MTX2: variants seen among roughly 807,000 people sequenced by gnomAD.
MTX2 encodes the protein metaxin 2.
In MTX2, 35 loss-of-function variants were observed where a neutral mutation model predicts 42.3. The observed-to-expected ratio is 0.83, with a 90% CI of 0.63 to 1.10. The LOEUF (loss-of-function observed/expected upper bound fraction) is 1.10, where lower values mean the gene tolerates loss of function less well. MTX2 is among the 50% of genes least tolerant of loss of function. The probability of loss-of-function intolerance (pLI) is 0.00; values close to 1 mark genes in which losing one functional copy is unlikely to be tolerated. For missense variants in MTX2, 307 were observed against 304.1 expected (o/e 1.01, Z -0.07); for synonymous variants, 119 against 100.9 (o/e 1.18, Z -1.08).
intron 3 of MTX2, among the ~76,000 whole-genome samples, chr2:176,319,875 A>G (rs753296076): frequency 1.2e-4 from 18 of 151,988 alleles, no homozygotes; most frequent in Non-Finnish European, 1.5e-4. Context: ...ATTTTTAAAA[A>G]TTTTTGTAGA....
intron 3 of MTX2, among the ~76,000 whole-genome samples, chr2:176,312,127 A>AT (rs1267171510): frequency 2.0e-5 from 3 of 152,196 alleles, no homozygotes; most frequent in Non-Finnish European, 4.4e-5. Flanking sequence ...GTAACTATTG[A>AT]TTTTTTAAAA....
chr2:176,292,752 G>T lies in MTX2; in HGVS notation c.41-4108G>T, dbSNP rs950839020. ...GAGATTTTTTTTCTTTCATGTCATG[G>T]TTTACATGTAATTTACATACAATTT... On this transcript the variant is annotated intron_variant, in intron 1 of 9. Transcript: ENST00000249442. 3.3e-5 allele frequency among the ~76,000 whole-genome samples: 5 copies of T among 152,048 alleles called. No individual in the cohort carries two copies. The South Asian group carries it at 8.3e-4, about 25-fold the overall frequency.
chr2:176,283,033 A>G (rs182458537), intron 1 of MTX2, among the ~76,000 whole-genome samples: 8 of 152,286 alleles, frequency 5.3e-5, no homozygotes, highest in African/African-American at 1.7e-4. Context: ...TAACCCAACA[A>G]GATAATTAAT....
chr2:176,281,992 C>T (rs1693087475), intron 1 of MTX2, among the ~76,000 whole-genome samples: 1 of 152,082 alleles, frequency 6.6e-6, no homozygotes, highest in South Asian at 2.1e-4. Flanking sequence ...GTCTGTGTGT[C>T]TTTGATTAGG....
At chr2:176,328,990 C>A in intron 7 of MTX2, 78 bp downstream of exon 7, 1 of 1,284,252 alleles carries the variant, frequency 7.8e-7, no homozygotes, top group South Asian at 1.2e-5. Flanking sequence ...AGTCCCTGCT[C>A]ATAAATGAAA....
rs370986623 is a variant in MTX2 at position 176,329,429 on chromosome 2, C to G, written c.543+3C>G. The stretch of plus-strand genomic sequence containing the variant: ...GGGGAAAGAAGACTCTGGACCAGGT[C>G]AGTTCAGGTTGAAGTTGACAAAACC... On this transcript the variant is annotated splice_donor_region_variant and intron_variant, in intron 8 of 9. Transcript: ENST00000249442. 7.5e-6 allele frequency: 12 copies of G among 1,603,440 alleles called. No homozygotes were observed. The highest frequency in any genetic ancestry group is 9.4e-6 in the Non-Finnish European group (11 of 1,173,394).
At chr2:176,330,291 G>T (rs141411563) in intron 8 of MTX2, among the ~76,000 whole-genome samples, 36 of 150,056 alleles carry the variant, frequency 2.4e-4, no homozygotes, top group Non-Finnish European at 2.4e-4. Flanking sequence ...TATTTTGAAG[G>T]ACATTCACTG....
intron 6 of MTX2, 112 bp from the exon 7 acceptor site, chr2:176,328,762 A>C: frequency 1.0e-6 from 1 of 954,922 alleles, no homozygotes; most frequent in South Asian, 1.5e-5. Flanking sequence ...AAACCGCTAC[A>C]TGTGTGACTT....
Position 176,296,891 on chromosome 2 carries a change from A to T in MTX2, c.72A>T (p.Leu24Phe). ...AACCTTGGCCTGAAAATGCTACATTATATCAGCAATTGAAAGGTAAGTCTT... is the reference window on the plus strand; with the variant it reads ...AACCTTGGCCTGAAAATGCTACATTTTATCAGCAATTGAAAGGTAAGTCTT... ...AAEPWPENAT[L>F]YQQLKGEQIL... The change falls in exon 2 of 10, where the codon TTA (leucine) becomes TTT (phenylalanine). Residue 24 changes from leucine (L) to phenylalanine (F), a missense_variant. Leu to Phe is a conservative substitution (Grantham distance 22). Coordinates refer to ENST00000249442, the MANE Select transcript of MTX2 (RefSeq NM_006554.5). 6.2e-7 allele frequency: 1 copy of T among 1,613,452 alleles called. No individual in the cohort carries two copies. The highest frequency in any genetic ancestry group is 8.5e-7 in the Non-Finnish European group (1 of 1,179,552).
intron 3 of MTX2, among the ~76,000 whole-genome samples, chr2:176,322,696 A>G (rs564795341): frequency 1.3e-5 from 2 of 152,094 alleles, no homozygotes; most frequent in African/African-American, 4.8e-5. Context: ...ACTTAATATT[A>G]TAATGTGTAC....
chr2:176,329,160 T>C, intron 7 of MTX2, 141 bp from the exon 8 acceptor site: 2 of 1,084,882 alleles, frequency 1.8e-6, no homozygotes, highest in Non-Finnish European at 2.5e-6. Context: ...AATTTTAATT[T>C]TTTAGATTGC....
intron 8 of MTX2, 26 bp from the exon 9 acceptor site, chr2:176,330,558 T>C: frequency 6.7e-7 from 1 of 1,500,498 alleles, no homozygotes; most frequent in Admixed American, 2.0e-5. Context: ...GAAATACTTT[T>C]CCTTGGGGTT....
intron 1 of MTX2, among the ~76,000 whole-genome samples, chr2:176,282,675 T>C (rs1693108512): frequency 6.6e-6 from 1 of 152,068 alleles, no homozygotes; most frequent in Non-Finnish European, 1.5e-5. Context: ...CTAGAGACTT[T>C]ATAGGGTACT....
intron 1 of MTX2, among the ~76,000 whole-genome samples, chr2:176,283,590 G>GT (rs1170666460): frequency 6.6e-6 from 1 of 152,144 alleles, no homozygotes; most frequent in Non-Finnish European, 1.5e-5. Flanking sequence ...GAGGAATAGA[G>GT]TTTTTTGGTT....
At chr2:176,320,899 G>C (rs1203345561) in intron 3 of MTX2, among the ~76,000 whole-genome samples, 1 of 151,894 alleles carries the variant, frequency 6.6e-6, no homozygotes, top group Non-Finnish European at 1.5e-5. Flanking sequence ...TTCTCCCTAT[G>C]TTTTCTAAGC....
At chr2:176,329,465 A>C in intron 8 of MTX2, 39 bp downstream of exon 8, 2 of 1,565,130 alleles carry the variant, frequency 1.3e-6, no homozygotes, top group East Asian at 2.3e-5. Flanking sequence ...CTCAACTTTT[A>C]TGCATTAAAA....
At chr2:176,323,353 G>A (rs2105439857) in intron 3 of MTX2, 39 bp from the exon 4 acceptor site, 1 of 1,535,202 alleles carries the variant, frequency 6.5e-7, no homozygotes, top group East Asian at 2.3e-5. Flanking sequence ...ATATGCATAT[G>A]CTTTTTACTG....
rs772097713 is a variant in MTX2, at chr2:176,297,898, A to G, written c.135+3A>G. ...ATGCAGCTTCTCTTGCAGTGCAGGT[A>G]AATATGTAAATAATGTAATATCTTT... is the stretch of plus-strand genomic sequence containing the variant. On this transcript the variant is annotated splice_donor_region_variant and intron_variant, in intron 3 of 9. Transcript: ENST00000249442. 4.5e-6 allele frequency: 7 copies of G among 1,552,674 alleles called. No individual in the cohort carries two copies. The South Asian group carries it at 6.3e-5, about 14-fold the overall frequency.
At chr2:176,311,386 C>G (rs570841757) in intron 3 of MTX2, among the ~76,000 whole-genome samples, 60 of 152,348 alleles carry the variant, frequency 3.9e-4, no homozygotes, top group South Asian at 1.4e-3. Flanking sequence ...GGCATTGTGT[C>G]TGTTCTCAGA....
Sources: allele counts gnomAD v4.1 joint callset (sites outside exome capture counted in the v4.1 genomes callset), GRCh38; gene constraint gnomAD v4.1.1; transcripts MANE v1.5; gene names NCBI Gene and HGNC (gene_info 2026-07-23, HGNC 2026-07-21).